Variants in SLC15A3 observed in about 807,000 individuals in gnomAD.
SLC15A3 encodes the protein osteoclast transporter.
Under a neutral mutation model 49.2 loss-of-function variants are expected in SLC15A3, and 39 were observed. That is an observed-to-expected ratio of 0.79 (90% CI 0.61 to 1.04). SLC15A3 has a LOEUF of 1.04. Ranked by LOEUF, SLC15A3 falls within the 50% of genes least tolerant of loss-of-function variation. The probability of loss-of-function intolerance (pLI) is 0.00; values close to 1 mark genes in which losing one functional copy is unlikely to be tolerated. For missense variants in SLC15A3, 758 were observed against 794.8 expected, an observed-to-expected ratio of 0.95 and a Z score of 0.56; for synonymous variants, 339 against 367.0, an observed-to-expected ratio of 0.92 and a Z score of 0.87.
At chr11:60,945,006 C>G (rs1359507835) in intron 2 of SLC15A3, among the ~76,000 whole-genome samples, 1 of 152,162 alleles carries the variant, frequency 6.6e-6, no homozygotes, top group Non-Finnish European at 1.5e-5. Context: ...ATTTTGCCAC[C>G]AACAGGTGGA....
intron 5 of SLC15A3, 151 bp from the exon 6 acceptor site, chr11:60,939,789 G>A (rs1337222777): frequency 5.7e-6 from 5 of 872,588 alleles, no homozygotes; most frequent in Non-Finnish European, 8.6e-6. Flanking sequence ...GGGGGGTGGA[G>A]GAGGGGGCCA....
rs1422121846 is a variant in SLC15A3 at position 60,951,701 on chromosome 11, GTCCCCTC to G, written c.-157_-151del. 2.1e-6 allele frequency: 1 copy of G among 467,586 alleles called. No individual in the cohort carries two copies. The highest frequency in any genetic ancestry group is 2.3e-5 in the African/African-American group (1 of 43,200). 29.0% of individuals were successfully genotyped at this position (467,586 alleles called of 1,614,324 possible). A position where few individuals can be genotyped will look rare whatever the true frequency, so the allele number is the denominator to read the frequency against. On this transcript the variant is annotated 5_prime_UTR_variant, in exon 1 of 8. Transcript: ENST00000227880. ...CCGCTTTGGCCCACCCTTCCCTCCT[GTCCCCTC>G]TCCCTTTCTTGCCCTACCCTTCCTG...
At chr11:60,937,645 A>G in intron 7 of SLC15A3, 1 of 692,602 alleles carries the variant, frequency 1.4e-6, no homozygotes, top group South Asian at 1.9e-5. Context: ...TTCCAGAAGC[A>G]GAAAGGAGCC....
At position 60,946,801 on chromosome 11, in the gene SLC15A3, G is replaced by A. The variant is rs747151856; in HGVS notation, c.579C>T (p.Asp193=). The A allele has an allele frequency of 9.3e-6, 15 of 1,611,466 alleles. No homozygotes were observed. Among genetic ancestry groups the A allele is most frequent in the Middle Eastern group, 3.3e-4 (2 of 6,052 alleles). The change falls in exon 2 of 8, where the codon GAC becomes GAT. Residue 193 remains aspartate (D), a synonymous_variant. Transcript: ENST00000227880. ...GADQVMDLGR[D]ATRRFFNWFY... ...ACCAGTTGAAGAAGCGGCGGGTGGC[G>A]TCGCGGCCGAGATCCATCACCTGCC...
chr11:60,938,736 G>A (rs1856664131), intron 6 of SLC15A3, among the ~76,000 whole-genome samples: 1 of 152,140 alleles, frequency 6.6e-6, no homozygotes, highest in Non-Finnish European at 1.5e-5. Context: ...CCCTCTGCCT[G>A]TAAGACCGCT....
Position 60,939,503 on chromosome 11 carries a change from C to G in SLC15A3, c.1412G>C (p.Ser471Thr). 1 of 1,614,186 alleles carries G rather than the reference C, an allele frequency of 6.2e-7. No individual in the cohort carries two copies. The highest frequency in any genetic ancestry group is 8.5e-7 in the Non-Finnish European group (1 of 1,180,012). Residue 471 changes from serine (S) to threonine (T), a missense_variant, in exon 6 of 8, where the codon AGT (serine) becomes ACT (threonine). By Grantham distance (58) the Ser-to-Thr change is moderately conservative. Around this residue, in one of 3 missense-constraint regions of SLC15A3, gnomAD observed 699 missense variants for 706.7 expected, o/e 0.99. Coordinates refer to ENST00000227880, the MANE Select transcript of SLC15A3 (RefSeq NM_016582.3). The stretch of plus-strand genomic sequence containing the variant: ...ACCTGGGATGCTGGCAAAGATCTCA[C>G]TGATCCCAATGAGCAGGTACTGAGG... ...QIPQYLLIGI[S>T]EIFASIPGLE...
intron 6 of SLC15A3, 146 bp downstream of exon 6, chr11:60,939,334 T>C (rs1856676315): frequency 2.2e-6 from 2 of 912,754 alleles, no homozygotes; most frequent in Non-Finnish European, 3.3e-6. Context: ...TAGACCCCCG[T>C]TGGGTGAATG....
In SLC15A3 at chr11:60,951,120, G is replaced by A; in HGVS notation, c.432C>T (p.Pro144=). ...GCGAGGAGCGCGGGCAGCCGGCCGAGGGGCAGGCAGGTCCCAGCGGCGACG... is the reference window on the plus strand; with the variant it reads ...GCGAGGAGCGCGGGCAGCCGGCCGAAGGGCAGGCAGGTCCCAGCGGCGACG... The part of the protein sequence containing the change: ...MPASPLGPAC[P]SAGCPRSSPS... Residue 144 remains proline (P), a synonymous_variant, in exon 1 of 8, where the codon CCC becomes CCT. Coordinates refer to ENST00000227880, the MANE Select transcript of SLC15A3 (RefSeq NM_016582.3). 1 of 1,480,784 alleles carries A rather than the reference G, an allele frequency of 6.8e-7. No homozygotes were observed. Among genetic ancestry groups the A allele is most frequent in the South Asian group, 1.3e-5 (1 of 76,800 alleles). 91.7% of individuals were successfully genotyped at this position (1,480,784 alleles called of 1,614,324 possible). A position where few individuals can be genotyped will look rare whatever the true frequency, so the allele number is the denominator to read the frequency against.
chr11:60,944,293 T>A (rs1288051598), intron 2 of SLC15A3, among the ~76,000 whole-genome samples: 4 of 152,008 alleles, frequency 2.6e-5, no homozygotes, highest in African/African-American at 9.7e-5. Flanking sequence ...AGTACCCTCA[T>A]CTCCTCCACC....
rs1247480169 is a variant in SLC15A3, at chr11:60,946,935, C to G, written c.559-114G>C. 5.3e-6 allele frequency: 6 copies of G among 1,125,694 alleles called. No individual in the cohort carries two copies. In the Admixed American group the frequency reaches 1.2e-4, roughly 23 times the overall value. The allele number at this position is 1,125,694 out of a possible 1,614,324, so 69.7% of individuals were successfully genotyped here. A position where few individuals can be genotyped will look rare whatever the true frequency, so the allele number is the denominator to read the frequency against. On this transcript the variant is annotated intron_variant, in intron 1 of 7. Coordinates refer to ENST00000227880, the MANE Select transcript of SLC15A3 (RefSeq NM_016582.3). ...TTGGGTCAGTGGGTGGTGGGCGTTC[C>G]GACACTTTCCCAGTCTCTGATCACA... is the stretch of plus-strand genomic sequence containing the variant.
chr11:60,947,815 C>T (rs1856826524), intron 1 of SLC15A3: 1 of 152,210 alleles, frequency 6.6e-6, no homozygotes, highest in South Asian at 2.1e-4. Context: ...GCCCCAGGCC[C>T]CTTCTGGTCT....
At chr11:60,945,357 G>A (rs1303516986) in intron 2 of SLC15A3, among the ~76,000 whole-genome samples, 1 of 152,284 alleles carries the variant, frequency 6.6e-6, no homozygotes, top group South Asian at 2.1e-4. Context: ...CCCTTTCCAG[G>A]TCCCAAATGA....
At position 60,937,972 on chromosome 11, in the gene SLC15A3, C is replaced by A; in HGVS notation, c.1489G>T (p.Gly497Cys). The A allele has an allele frequency of 6.2e-7, 1 of 1,614,128 alleles. No individual in the cohort carries two copies. The highest frequency in any genetic ancestry group is 2.2e-5 in the East Asian group (1 of 44,886). Reference sequence around the variant, plus strand: ...ACCCCCGACAGGCAGAAGAAGATGCCCATGATGGCGCCCTGCATGGAGCGC... The same window carrying A: ...ACCCCCGACAGGCAGAAGAAGATGCACATGATGGCGCCCTGCATGGAGCGC... ...APRSMQGAIM[G>C]IFFCLSGVGS... is the part of the protein sequence containing the mutation. The change falls in exon 7 of 8, where the codon GGC becomes TGC. Residue 497 changes from glycine (G) to cysteine (C), a missense_variant. This residue lies in a region of SLC15A3 where 699 missense variants were observed against 706.7 expected (regional missense o/e 0.99). Coordinates refer to ENST00000227880, the MANE Select transcript of SLC15A3 (RefSeq NM_016582.3).
At position 60,939,475 on chromosome 11, in the gene SLC15A3, G is replaced by A. The variant is rs886426873; in HGVS notation, c.1435+5C>T. ...TGCAGGAGCAGGGGAGGGGATCCAG[G>A]GTACCTGGGATGCTGGCAAAGATCT... is the stretch of plus-strand genomic sequence containing the variant. On this transcript the variant is annotated splice_donor_5th_base_variant and intron_variant, in intron 6 of 7. Transcript: ENST00000227880. The A allele has an allele frequency of 1.9e-6, 3 of 1,613,704 alleles. No individual in the cohort carries two copies. Among genetic ancestry groups the A allele is most frequent in the African/African-American group, 2.7e-5 (2 of 74,940 alleles).
intron 5 of SLC15A3, chr11:60,940,158 T>C (rs1195599447): frequency 6.3e-6 from 1 of 159,414 alleles, no homozygotes; most frequent in African/African-American, 2.4e-5. Context: ...TGTTATCTCC[T>C]TCTCCTGTGT....
intron 3 of SLC15A3, 32 bp from the exon 4 acceptor site, chr11:60,942,177 A>T: frequency 6.3e-7 from 1 of 1,589,330 alleles, no homozygotes; most frequent in South Asian, 1.1e-5. Context: ...AGGCTGGAAC[A>T]GAAACGGCCA....
intron 1 of SLC15A3, 101 bp downstream of exon 1, chr11:60,950,893 T>C (rs2134945326): frequency 8.1e-7 from 1 of 1,227,920 alleles, no homozygotes; most frequent in Non-Finnish European, 1.1e-6. Context: ...AGGAAACTAG[T>C]GCAGGCAGGG....
At chr11:60,939,244 C>T (rs1856674668) in intron 6 of SLC15A3, among the ~76,000 whole-genome samples, 1 of 152,200 alleles carries the variant, frequency 6.6e-6, no homozygotes, top group African/African-American at 2.4e-5. Flanking sequence ...ACGTGGAGAG[C>T]TGGTGTGGGA....
chr11:60,950,900 AGG>A, intron 1 of SLC15A3, 92 bp downstream of exon 1: 1 of 1,264,814 alleles, frequency 7.9e-7, no homozygotes, highest in Non-Finnish European at 1.0e-6. Flanking sequence ...TAGTGCAGGC[AGG>A]GGACCTGGTT....
Sources: gnomAD v4.1 joint callset for allele counts (sites outside exome capture counted in the v4.1 genomes callset) on GRCh38, gnomAD v4.1.1 for gene constraint, gnomAD v4.1.1 regional missense constraint, MANE v1.5 for transcripts, NCBI Gene and HGNC (gene_info 2026-07-23, HGNC 2026-07-21) for gene names.